Variants in PPM1E observed in about 807,000 individuals in gnomAD.
The protein encoded by PPM1E is protein phosphatase 1E.
In PPM1E, 20 loss-of-function variants were observed where a neutral mutation model predicts 65.9. The ratio of observed to expected loss-of-function variants is 0.30; its 90% CI spans 0.21 to 0.44. The LOEUF (loss-of-function observed/expected upper bound fraction) is 0.44, where lower values mean the gene tolerates loss of function less well. PPM1E is among the 20% of genes least tolerant of loss of function. The pLI is 1.00. For missense variants in PPM1E, 713 were observed against 953.1 expected, an observed-to-expected ratio of 0.75 and a Z score of 3.32; for synonymous variants, 352 against 374.9, an observed-to-expected ratio of 0.94 and a Z score of 0.70.
intron 1 of PPM1E, among the ~76,000 whole-genome samples, chr17:58,888,436 C>T (rs2051307119): frequency 7.1e-6 from 1 of 140,186 alleles, no homozygotes; most frequent in Admixed American, 7.6e-5. Flanking sequence ...TCAATCTTGG[C>T]TCACTGCAAC....
In PPM1E at chr17:58,770,616, A is replaced by G. The variant is rs74256773; in HGVS notation, c.464+14155A>G. Among the ~76,000 whole-genome samples the G allele has an allele frequency of 4.9e-4, 75 of 152,292 alleles. No individual in the cohort carries two copies. In the East Asian group the frequency reaches 0.012, roughly 24 times the overall value. The stretch of plus-strand genomic sequence containing the variant: ...TCAGATTGAGACCTTACAAATGAAT[A>G]GCAAAAATTAGTGCCTCAATGTTGT... On this transcript the variant is annotated intron_variant, in intron 1 of 6. Transcript: ENST00000308249.
In PPM1E at chr17:58,973,364, T is replaced by C. The variant is rs376658502; in HGVS notation, c.1210+439T>C. On this transcript the variant is annotated intron_variant, in intron 6 of 6. Coordinates refer to ENST00000308249, the MANE Select transcript of PPM1E (RefSeq NM_014906.5). ...CCTGGGAAGCAGAGGTTGCAGCTAG[T>C]GGAGATCGCGCCATTGCACGCCAGC... Among the ~76,000 whole-genome samples, 44 of 147,774 alleles carry C rather than the reference T, an allele frequency of 3.0e-4. 1 individual carries two copies. The East Asian group carries it at 7.8e-3, about 26-fold the overall frequency.
At chr17:58,761,579 C>T (rs1187019778) in intron 1 of PPM1E, among the ~76,000 whole-genome samples, 1 of 152,196 alleles carries the variant, frequency 6.6e-6, no homozygotes. Context: ...TGCACCTTTG[C>T]ACATAGTATA....
intron 1 of PPM1E, among the ~76,000 whole-genome samples, chr17:58,936,938 A>T (rs971940452): frequency 1.3e-5 from 2 of 152,116 alleles, no homozygotes; most frequent in Non-Finnish European, 2.9e-5. Flanking sequence ...CTCCTTTCCT[A>T]TTCTCTAATG....
intron 1 of PPM1E, among the ~76,000 whole-genome samples, chr17:58,764,043 AAAAC>A: frequency 6.6e-6 from 1 of 152,234 alleles, no homozygotes; most frequent in African/African-American, 2.4e-5. Flanking sequence ...TTTAGTTAAA[AAAAC>A]TTATTTTAAC....
At chr17:58,816,403 TTTA>T (rs969672431) in intron 1 of PPM1E, among the ~76,000 whole-genome samples, 13 of 151,970 alleles carry the variant, frequency 8.6e-5, no homozygotes, top group Non-Finnish European at 1.8e-4. Context: ...TAACATAAAA[TTTA>T]TTATTATAAT....
chr17:58,758,940 C>T (rs901419751), intron 1 of PPM1E, among the ~76,000 whole-genome samples: 10 of 151,906 alleles, frequency 6.6e-5, no homozygotes, highest in Admixed American at 6.6e-4. Flanking sequence ...CATGGTGGTG[C>T]ATGCCTGTAA....
intron 2 of PPM1E, among the ~76,000 whole-genome samples, chr17:58,965,401 G>C (rs1396601713): frequency 8.5e-5 from 13 of 152,096 alleles, no homozygotes; most frequent in Non-Finnish European, 1.9e-4. Context: ...AGTGTGGTGA[G>C]AGCATTTCTC....
intron 1 of PPM1E, among the ~76,000 whole-genome samples, chr17:58,837,448 G>A (rs1206960494): frequency 6.8e-6 from 1 of 146,478 alleles, no homozygotes; most frequent in African/African-American, 2.5e-5. Context: ...TTTAATTTAT[G>A]TTAAGAAATT....
chr17:58,850,686 C>G (rs2050818094), intron 1 of PPM1E, among the ~76,000 whole-genome samples: 2 of 152,204 alleles, frequency 1.3e-5, no homozygotes, highest in South Asian at 4.1e-4. Flanking sequence ...GTAACCCAAC[C>G]TTTCTCTCTG....
At chr17:58,856,846 T>C (rs1019727518) in intron 1 of PPM1E, among the ~76,000 whole-genome samples, 10 of 152,206 alleles carry the variant, frequency 6.6e-5, no homozygotes, top group African/African-American at 2.4e-4. Context: ...AGTCACCCAG[T>C]CTGTGGTACT....
At chr17:58,863,465 C>T (rs150657019) in intron 1 of PPM1E, among the ~76,000 whole-genome samples, 2 of 152,350 alleles carry the variant, frequency 1.3e-5, no homozygotes, top group Admixed American at 6.5e-5. Flanking sequence ...TCTTTTAGCT[C>T]TGCCATCTGG....
rs1471464138 is a variant in PPM1E, at chr17:58,982,468, G to GTAC, written c.*1438_*1439insACT. 6.3e-6 allele frequency: 1 copy of GTAC among 159,212 alleles called. No homozygotes were observed. 9.9% of individuals were successfully genotyped at this position (159,212 alleles called of 1,614,324 possible). The stretch of plus-strand genomic sequence containing the variant: ...CCCTCTGGAGTGCTCACTAACAAGG[G>GTAC]TGAGTGCTCTCGCTAAGAAGTGTCC... On this transcript the variant is annotated 3_prime_UTR_variant, in exon 7 of 7. Transcript: ENST00000308249.
chr17:58,966,032 C>T (rs1448576643), intron 3 of PPM1E, 139 bp downstream of exon 3: 15 of 819,558 alleles, frequency 1.8e-5, no homozygotes, highest in Non-Finnish European at 2.4e-5. Flanking sequence ...TGCAAAGTGG[C>T]ACAAATTTGC....
At chr17:58,917,571 T>G (rs2051698737) in intron 1 of PPM1E, among the ~76,000 whole-genome samples, 1 of 152,224 alleles carries the variant, frequency 6.6e-6, no homozygotes, top group Non-Finnish European at 1.5e-5. Flanking sequence ...TTCACTCAGC[T>G]TGATGCCACT....
intron 1 of PPM1E, among the ~76,000 whole-genome samples, chr17:58,808,973 G>C (rs2050340516): frequency 6.6e-6 from 1 of 152,078 alleles, no homozygotes; most frequent in African/African-American, 2.4e-5. Flanking sequence ...TTCTCACCTG[G>C]ATTGTTTTAA....
chr17:58,897,761 C>T (rs1567868146), intron 1 of PPM1E: 1 of 152,170 alleles, frequency 6.6e-6, no homozygotes, highest in African/African-American at 2.4e-5. Context: ...TAGGCTTCAT[C>T]TGTAACCCAC....
chr17:58,755,870 G>GCC lies in PPM1E; in HGVS notation c.-128_-127insCC, dbSNP rs2049752350. On this transcript the variant is annotated 5_prime_UTR_variant, in exon 1 of 7. Coordinates refer to ENST00000308249, the MANE Select transcript of PPM1E (RefSeq NM_014906.5). ...GCGGGAGCCCTCTCCAGGCAACCTA[G>GCC]TGCTGATCGCTCGTGCCGGTGCGGC... 6.7e-7 allele frequency: 1 copy of GCC among 1,494,962 alleles called. No individual in the cohort carries two copies. Among genetic ancestry groups the GCC allele is most frequent in the African/African-American group, 1.4e-5 (1 of 72,126 alleles). The allele number at this position is 1,494,962 out of a possible 1,614,324, so 92.6% of individuals were successfully genotyped here.
chr17:58,757,970 AT>A (rs1219183894), intron 1 of PPM1E, among the ~76,000 whole-genome samples: 1 of 152,090 alleles, frequency 6.6e-6, no homozygotes, highest in Non-Finnish European at 1.5e-5. Context: ...CTGAGATGTA[AT>A]TTTTTACAGT....
Sources: gnomAD v4.1 joint callset for allele counts (sites outside exome capture counted in the v4.1 genomes callset) on GRCh38, gnomAD v4.1.1 for gene constraint, MANE v1.5 for transcripts, NCBI Gene and HGNC (gene_info 2026-07-23, HGNC 2026-07-21) for gene names.